The following CDC42EP3 variants were observed in gnomAD, a reference collection of about 807,000 sequenced individuals.
CDC42EP3 encodes CDC42 effector protein 3, also known as CDC42 effector protein (Rho GTPase binding) 3.
CDC42EP3 carries 4 observed loss-of-function variants against 15.5 expected under a neutral mutation model. The observed-to-expected ratio is 0.26, with a 90% CI of 0.13 to 0.59. CDC42EP3 has a LOEUF of 0.59. Ranked by LOEUF, CDC42EP3 falls within the 20% of genes least tolerant of loss-of-function variation. CDC42EP3 has a pLI of 0.89. For missense variants in CDC42EP3, 309 were observed against 311.2 expected, an observed-to-expected ratio of 0.99 and a Z score of 0.05; for synonymous variants, 145 against 130.3, an observed-to-expected ratio of 1.11 and a Z score of -0.77.
At chr2:37,658,881 G>T (rs1665965870) in intron 1 of CDC42EP3, among the ~76,000 whole-genome samples, 1 of 152,200 alleles carries the variant, frequency 6.6e-6, no homozygotes, top group African/African-American at 2.4e-5. Flanking sequence ...ACACCAGAGT[G>T]AGGTACCTAG....
chr2:37,666,540 A>G lies in CDC42EP3; in HGVS notation c.-236+4886T>C, dbSNP rs116142093. On this transcript the variant is annotated intron_variant, in intron 1 of 1. Coordinates refer to ENST00000295324, the MANE Select transcript of CDC42EP3 (RefSeq NM_006449.5). ...AATCCACTGAAAATCCTTTTTAAAA[A>G]GTTTTAAATTTGGGATTCTAGAATT... 3.9e-3 allele frequency among the ~76,000 whole-genome samples: 588 copies of G among 152,364 alleles called. 3 individuals are homozygous for G. Among genetic ancestry groups the G allele is most frequent in the Non-Finnish European group, 6.4e-3 (436 of 68,036 alleles).
chr2:37,669,987 A>G (rs957425061), intron 1 of CDC42EP3, among the ~76,000 whole-genome samples: 1 of 152,258 alleles, frequency 6.6e-6, no homozygotes, highest in Non-Finnish European at 1.5e-5. Context: ...TTAACTACCA[A>G]TAAGAGCTCA....
chr2:37,646,487 G>A lies in CDC42EP3; in HGVS notation c.101C>T (p.Pro34Leu), dbSNP rs749931612. The change falls in exon 2 of 2, where the codon CCG becomes CTG. Residue 34 changes from proline (P) to leucine (L), a missense_variant. Coordinates refer to ENST00000295324, the MANE Select transcript of CDC42EP3 (RefSeq NM_006449.5). Reference sequence around the variant, plus strand: ...GATGGTGTGGCGAAAGTCTCCAAGCGGGGGACTGATCATATCAGGAGACAG... The same window carrying A: ...GATGGTGTGGCGAAAGTCTCCAAGCAGGGGACTGATCATATCAGGAGACAG... Reference protein sequence around the residue: ...DILSPDMISPPLGDFRHTIHI... With the variant: ...DILSPDMISPLLGDFRHTIHI... The A allele has an allele frequency of 2.5e-6, 4 of 1,613,774 alleles. No individual in the cohort carries two copies. The highest frequency in any genetic ancestry group is 2.2e-5 in the East Asian group (1 of 44,884).
At chr2:37,662,955 A>G (rs1157386761) in intron 1 of CDC42EP3, among the ~76,000 whole-genome samples, 1 of 152,206 alleles carries the variant, frequency 6.6e-6, no homozygotes, top group Non-Finnish European at 1.5e-5. Context: ...GCCTGAGGTT[A>G]GGAGTTCGTG....
At position 37,646,737 on chromosome 2, in the gene CDC42EP3, A is replaced by G; in HGVS notation, c.-150T>C. On this transcript the variant is annotated 5_prime_UTR_variant, in exon 2 of 2. Transcript: ENST00000295324. ...GTGGCTTCGAAATGAGATGGGGTCAAAGAGAACCTTCCTGAGGTTACGGCC... is the reference window on the plus strand; with the variant it reads ...GTGGCTTCGAAATGAGATGGGGTCAGAGAGAACCTTCCTGAGGTTACGGCC... 1 of 755,418 alleles carries G rather than the reference A, an allele frequency of 1.3e-6. No homozygotes were observed. The highest frequency in any genetic ancestry group is 2.6e-5 in the East Asian group (1 of 37,938). The allele number at this position is 755,418 out of a possible 1,614,324, so 46.8% of individuals were successfully genotyped here. A position where few individuals can be genotyped will look rare whatever the true frequency, so the allele number is the denominator to read the frequency against.
At chr2:37,664,619 G>C (rs571821841) in intron 1 of CDC42EP3, among the ~76,000 whole-genome samples, 3 of 152,300 alleles carry the variant, frequency 2.0e-5, no homozygotes, top group Admixed American at 6.5e-5. Context: ...GCTACAGAAA[G>C]AATCAGATAG....
upstream of CDC42EP3, among the ~76,000 whole-genome samples, chr2:37,672,769 G>T (rs896307428): frequency 1.2e-4 from 18 of 152,154 alleles, no homozygotes; most frequent in African/African-American, 4.3e-4. Flanking sequence ...CCTGGCCTCT[G>T]CCCTGAGACT....
At chr2:37,666,365 G>C (rs1340869682) in intron 1 of CDC42EP3, among the ~76,000 whole-genome samples, 1 of 152,166 alleles carries the variant, frequency 6.6e-6, no homozygotes, top group Non-Finnish European at 1.5e-5. Context: ...GGGTCCCACA[G>C]AATACTTTTA....
chr2:37,662,539 C>G (rs1477736134), intron 1 of CDC42EP3, among the ~76,000 whole-genome samples: 2 of 152,032 alleles, frequency 1.3e-5, no homozygotes, highest in African/African-American at 4.8e-5. Context: ...AGTCTAATTC[C>G]CCATTCTGAA....
In CDC42EP3 at chr2:37,666,299, C is replaced by T. The variant is rs527798278; in HGVS notation, c.-236+5127G>A. Among the ~76,000 whole-genome samples the T allele has an allele frequency of 2.6e-4, 39 of 152,314 alleles. 1 individual carries two copies. In the East Asian group the frequency reaches 6.7e-3, roughly 26 times the overall value. On this transcript the variant is annotated intron_variant, in intron 1 of 1. Coordinates refer to ENST00000295324, the MANE Select transcript of CDC42EP3 (RefSeq NM_006449.5). ...CCTCCCTGTGGAGATTCACTATATA[C>T]ACTGGCTTTTTAAATGTTCTGAGAA...
intron 1 of CDC42EP3, among the ~76,000 whole-genome samples, chr2:37,650,462 T>C (rs1392820682): frequency 6.6e-6 from 1 of 152,240 alleles, no homozygotes; most frequent in African/African-American, 2.4e-5. Context: ...CAGCACTTGA[T>C]ACAAGTCGGT....
intron 1 of CDC42EP3, among the ~76,000 whole-genome samples, chr2:37,659,968 G>A (rs796810457): frequency 2.3e-4 from 35 of 152,314 alleles, no homozygotes; most frequent in South Asian, 2.1e-3. Context: ...CCAAAACTAT[G>A]AGCCAGCCCT....
At chr2:37,647,707 A>C (rs13406302) in intron 1 of CDC42EP3, 54,909 of 152,318 alleles carry the variant, frequency 0.36, 11,126 homozygotes, top group East Asian at 0.59. Context: ...TGGCTTCTAA[A>C]CAAGGGAATG....
intron 1 of CDC42EP3, among the ~76,000 whole-genome samples, chr2:37,657,865 G>A (rs1271422073): frequency 6.6e-6 from 1 of 152,132 alleles, no homozygotes; most frequent in African/African-American, 2.4e-5. Context: ...ACATCCTACA[G>A]TGTACAGGAC....
chr2:37,665,163 G>T (rs1324225892), intron 1 of CDC42EP3, among the ~76,000 whole-genome samples: 3 of 152,046 alleles, frequency 2.0e-5, no homozygotes, highest in Admixed American at 1.3e-4. Flanking sequence ...TGTAGTAAGT[G>T]TTACAATAGG....
Position 37,646,616 on chromosome 2 carries a change from A to T in CDC42EP3, c.-29T>A, listed in dbSNP as rs1353939866. ...GGAATTTGAGAATGTCTATTTTGCA[A>T]GCGGGAGAAAGGGCCACTTTCTTCA... On this transcript the variant is annotated 5_prime_UTR_variant, in exon 2 of 2. The change creates a new upstream start codon in the 5' untranslated region. Transcript: ENST00000295324. 2.6e-6 allele frequency: 4 copies of T among 1,519,922 alleles called. No homozygotes were observed. The highest frequency in any genetic ancestry group is 3.5e-6 in the Non-Finnish European group (4 of 1,137,480). The allele number at this position is 1,519,922 out of a possible 1,614,324, so 94.2% of individuals were successfully genotyped here.
chr2:37,651,411 T>C (rs1303273987), intron 1 of CDC42EP3, among the ~76,000 whole-genome samples: 1 of 152,214 alleles, frequency 6.6e-6, no homozygotes, highest in Non-Finnish European at 1.5e-5. Flanking sequence ...ACATGGCTGT[T>C]AGGTCCTGAA....
chr2:37,655,957 T>G (rs1477676447), intron 1 of CDC42EP3, among the ~76,000 whole-genome samples: 1 of 152,236 alleles, frequency 6.6e-6, no homozygotes, highest in Non-Finnish European at 1.5e-5. Flanking sequence ...AATAATAAGC[T>G]GACACTGTCC....
chr2:37,658,055 G>A (rs1472837310), intron 1 of CDC42EP3, among the ~76,000 whole-genome samples: 1 of 152,080 alleles, frequency 6.6e-6, no homozygotes, highest in African/African-American at 2.4e-5. Flanking sequence ...CTGAACCCCT[G>A]TCTTAAATGT....
Sources: gnomAD v4.1 joint callset for allele counts (sites outside exome capture counted in the v4.1 genomes callset) on GRCh38, gnomAD v4.1.1 for gene constraint, MANE v1.5 for transcripts, NCBI Gene and HGNC (gene_info 2026-07-23, HGNC 2026-07-21) for gene names.